Variants in RBFOX1 observed in about 807,000 individuals in gnomAD.
The protein encoded by RBFOX1 is RNA binding protein fox-1 homolog 1.
In RBFOX1, 8 loss-of-function variants were observed where a neutral mutation model predicts 57.7. The observed-to-expected ratio is 0.14, with a 90% CI of 0.08 to 0.25. The LOEUF is 0.25. RBFOX1 is among the 10% of genes least tolerant of loss of function. RBFOX1 has a pLI of 1.00. For missense variants in RBFOX1, 611 were observed against 548.5 expected, an observed-to-expected ratio of 1.11 and a Z score of -1.14; for synonymous variants, 326 against 222.4, an observed-to-expected ratio of 1.47 and a Z score of -4.15.
intron 1 of RBFOX1, among the ~76,000 whole-genome samples, chr16:6,231,897 G>A (rs2097464364): frequency 6.6e-6 from 1 of 150,660 alleles, no homozygotes; most frequent in Non-Finnish European, 1.5e-5. Context: ...AACAATGAGG[G>A]AGGAAAATAA....
At chr16:6,895,446 GTGTATATA>G (rs1246146118) in intron 3 of RBFOX1, among the ~76,000 whole-genome samples, 118 of 57,082 alleles carry the variant, frequency 2.1e-3, no homozygotes, top group Non-Finnish European at 2.4e-3. Flanking sequence ...GTGTGTGTGT[GTGTATATA>G]TATATATATA....
intron 1 of RBFOX1, among the ~76,000 whole-genome samples, chr16:6,164,631 A>G (rs550071186): frequency 1.4e-3 from 216 of 151,376 alleles, no homozygotes; most frequent in African/African-American, 4.9e-3. Flanking sequence ...CACACCTGGT[A>G]AATTTTTGTT....
At chr16:6,714,461 G>T (rs1422422305) in intron 3 of RBFOX1, among the ~76,000 whole-genome samples, 1 of 152,104 alleles carries the variant, frequency 6.6e-6, no homozygotes, top group African/African-American at 2.4e-5. Context: ...CCCACTACGG[G>T]ATCCTTGGAA....
intron 2 of RBFOX1, among the ~76,000 whole-genome samples, chr16:6,384,513 G>A (rs1431597458): frequency 1.3e-5 from 2 of 152,092 alleles, no homozygotes; most frequent in African/African-American, 4.8e-5. Flanking sequence ...GTTGTACAGG[G>A]CTTCTGAAGA....
chr16:7,169,019 C>T (rs1056234256), intron 4 of RBFOX1, among the ~76,000 whole-genome samples: 1 of 152,092 alleles, frequency 6.6e-6, no homozygotes, highest in African/African-American at 2.4e-5. Flanking sequence ...AGAAATATAA[C>T]TAGATTTATA....
At chr16:7,231,775 T>G (rs2093507693) in intron 4 of RBFOX1, among the ~76,000 whole-genome samples, 6 of 152,156 alleles carry the variant, frequency 3.9e-5, no homozygotes, top group Admixed American at 1.3e-4. Context: ...TCAAAAACAC[T>G]GTGGTAAGTA....
At chr16:6,456,591 C>G (rs2094779505) in intron 2 of RBFOX1, among the ~76,000 whole-genome samples, 1 of 152,084 alleles carries the variant, frequency 6.6e-6, no homozygotes, top group African/African-American at 2.4e-5. Context: ...ATCAAATTTT[C>G]TATTTAGAAA....
chr16:5,316,083 G>A (rs750578147), intron 1 of RBFOX1, among the ~76,000 whole-genome samples: 34 of 152,096 alleles, frequency 2.2e-4, no homozygotes, highest in Admixed American at 2.0e-3. Context: ...CTGCTTTTCC[G>A]CTCCCAGCAA....
At chr16:5,466,105 A>G (rs1459975715) in intron 1 of RBFOX1, among the ~76,000 whole-genome samples, 1 of 152,234 alleles carries the variant, frequency 6.6e-6, no homozygotes, top group East Asian at 1.9e-4. Flanking sequence ...ATCTTCTCCC[A>G]CTTTAGGTGG....
chr16:5,284,676 G>C (rs2063348657), intron 1 of RBFOX1, among the ~76,000 whole-genome samples: 2 of 148,140 alleles, frequency 1.4e-5, no homozygotes, highest in Non-Finnish European at 3.0e-5. Flanking sequence ...TGATTCTCTG[G>C]AATTGTATAT....
At chr16:7,254,867 T>G (rs572856290) in intron 4 of RBFOX1, among the ~76,000 whole-genome samples, 7 of 152,220 alleles carry the variant, frequency 4.6e-5, no homozygotes, top group African/African-American at 1.7e-4. Context: ...CTGAAATAGG[T>G]ATGAATTTTT....
intron 3 of RBFOX1, among the ~76,000 whole-genome samples, chr16:7,025,277 C>G (rs1016960916): frequency 6.6e-6 from 1 of 152,092 alleles, no homozygotes. Flanking sequence ...TGTTTGGAAA[C>G]TATCATGGCG....
At chr16:6,221,119 G>A (rs1468379959) in intron 1 of RBFOX1, among the ~76,000 whole-genome samples, 1 of 152,100 alleles carries the variant, frequency 6.6e-6, no homozygotes, top group Non-Finnish European at 1.5e-5. Context: ...TTCCAGAAGT[G>A]TAATCATAGG....
chr16:7,293,318 T>C (rs2095830465), intron 4 of RBFOX1, among the ~76,000 whole-genome samples: 1 of 152,160 alleles, frequency 6.6e-6, no homozygotes, highest in Non-Finnish European at 1.5e-5. Flanking sequence ...AGGATATGTG[T>C]AGGTTATAAG....
At chr16:7,366,236 T>C (rs144843943) in intron 4 of RBFOX1, among the ~76,000 whole-genome samples, 1 of 152,352 alleles carries the variant, frequency 6.6e-6, no homozygotes, top group African/African-American at 2.4e-5. Context: ...TGTTCTCTTA[T>C]TGCCAGGACA....
chr16:7,570,387 C>T (rs1030248228), intron 5 of RBFOX1, among the ~76,000 whole-genome samples: 1 of 152,166 alleles, frequency 6.6e-6, no homozygotes. Flanking sequence ...GAGCACAGAA[C>T]TTCAACATCT....
intron 4 of RBFOX1, among the ~76,000 whole-genome samples, chr16:7,321,720 T>C (rs1446257659): frequency 6.6e-6 from 1 of 152,218 alleles, no homozygotes; most frequent in Non-Finnish European, 1.5e-5. Context: ...TATTTTAAAA[T>C]ATTTTAAAAT....
At chr16:5,315,696 C>T (rs2064217869) in intron 1 of RBFOX1, among the ~76,000 whole-genome samples, 1 of 152,176 alleles carries the variant, frequency 6.6e-6, no homozygotes, top group Non-Finnish European at 1.5e-5. Context: ...CTGGTGAGTG[C>T]TGTGCGTAAG....
chr16:5,742,729 G>C (rs2052820862), intron 3 of RBFOX1, among the ~76,000 whole-genome samples: 1 of 152,212 alleles, frequency 6.6e-6, no homozygotes. Flanking sequence ...CGAAGTGAGT[G>C]AGGACCTTGT....
Sources: allele counts gnomAD v4.1 joint callset (sites outside exome capture counted in the v4.1 genomes callset), GRCh38; gene constraint gnomAD v4.1.1; transcripts MANE v1.5; gene names NCBI Gene and HGNC (gene_info 2026-07-23, HGNC 2026-07-21).